Variants in NBPF19 observed in about 807,000 individuals in gnomAD.
NBPF19 encodes the protein NBPF family member NBPF19.
Under a neutral mutation model 45.9 loss-of-function variants are expected in NBPF19, and 30 were observed. The ratio of observed to expected loss-of-function variants is 0.65; its 90% CI spans 0.49 to 0.89. The LOEUF is 0.89. NBPF19 is among the 40% of genes least tolerant of loss of function. NBPF19 has a pLI of 0.00. For synonymous variants in NBPF19, 183 were observed against 181.2 expected, an observed-to-expected ratio of 1.01 and a Z score of -0.08; for missense variants, 495 against 471.8, an observed-to-expected ratio of 1.05 and a Z score of -0.46.
chr1:149,487,775 CTGTG>C (rs1219803937), intron 9 of NBPF19, among the ~76,000 whole-genome samples: 33,734 of 128,446 alleles, frequency 0.26, 3,556 homozygotes, highest in Middle Eastern at 0.34. Flanking sequence ...TGAGCTCGCT[CTGTG>C]TGTGTGTGTG....
At position 149,487,775 on chromosome 1, in the gene NBPF19, CTGTGTGTGTGTG is replaced by C. The variant is rs1219803937; in HGVS notation, c.1041-200_1041-189del. Among the ~76,000 whole-genome samples the C allele has an allele frequency of 2.6e-3, 336 of 128,756 alleles. 2 individuals are homozygous for C. Among genetic ancestry groups the C allele is most frequent in the Middle Eastern group, 8.1e-3 (2 of 248 alleles). 84.5% of individuals were successfully genotyped at this position (128,756 alleles called of 152,430 possible). On this transcript the variant is annotated intron_variant, in intron 9 of 93. Transcript: ENST00000651566. Reference sequence around the variant, plus strand: ...ACCTGACCAATTGACTGAGCTCGCTCTGTGTGTGTGTGTGTGTGTGTGTGTGTGTGTGTGTGT... The same window carrying C: ...ACCTGACCAATTGACTGAGCTCGCTCTGTGTGTGTGTGTGTGTGTGTGTGT...
intron 7 of NBPF19, among the ~76,000 whole-genome samples, chr1:149,484,505 T>C (rs1247254908): frequency 6.9e-6 from 1 of 145,532 alleles, no homozygotes; most frequent in Admixed American, 7.0e-5. Context: ...AAAAAAAATA[T>C]ATATATATAT....
intron 4 of NBPF19, among the ~76,000 whole-genome samples, chr1:149,479,595 T>A (rs2085050722): frequency 6.8e-6 from 1 of 147,704 alleles, no homozygotes; most frequent in African/African-American, 2.5e-5. Context: ...GAAGCCCCTC[T>A]CCATGTGGTG....
chr1:149,475,393 ATGT>A lies in NBPF19; in HGVS notation c.-434_-432del, dbSNP rs1162595723. 0.036 allele frequency among the ~76,000 whole-genome samples: 5,430 copies of A among 149,810 alleles called. 264 individuals carry two copies. Among genetic ancestry groups the A allele is most frequent in the Middle Eastern group, 0.057 (16 of 282 alleles). On this transcript the variant is annotated 5_prime_UTR_variant, in exon 1 of 94. Coordinates refer to ENST00000651566, the MANE Select transcript of NBPF19 (RefSeq NM_001351365.2). ...TTGGGAAACTGTTTCTGCCTTGATG[ATGT>A]TGTACAGACAAGAGATAAACAGTGA... is the stretch of plus-strand genomic sequence containing the variant.
chr1:149,554,578 A>T lies in NBPF19; in HGVS notation c.11372A>T (p.Tyr3791Phe). Residue 3791 changes from tyrosine (Y) to phenylalanine (F), a missense_variant, in exon 94 of 94, where the codon TAC (tyrosine) becomes TTC (phenylalanine). Physicochemically the swap from Tyr to Phe is conservative, Grantham distance 22. Coordinates refer to ENST00000651566, the MANE Select transcript of NBPF19 (RefSeq NM_001351365.2). ...LDGCYSTPSM[Y>F]FELPDSFQHY... ...GGATGTTATTCGACTCCGTCAATGT[A>T]CTTTGAACTACCTGACTCATTCCAG... is the stretch of plus-strand genomic sequence containing the variant. The T allele has an allele frequency of 2.5e-6, 4 of 1,608,206 alleles. No individual in the cohort carries two copies. Among genetic ancestry groups the T allele is most frequent in the South Asian group, 1.1e-5 (1 of 90,884 alleles).
intron 9 of NBPF19, 68 bp downstream of exon 9, chr1:149,487,451 C>A (rs1280878637): frequency 3.2e-6 from 3 of 931,464 alleles, no homozygotes; most frequent in Admixed American, 1.7e-5. Flanking sequence ...CCAGGGAAAA[C>A]AGTACATGCT....
intron 45 of NBPF19, among the ~76,000 whole-genome samples, chr1:149,516,351 GTCTCTC>G: frequency 8.4e-6 from 1 of 119,036 alleles, no homozygotes; most frequent in East Asian, 2.6e-4. Context: ...CTCTGTCTCT[GTCTCTC>G]TCTCTCTCTC....
chr1:149,554,179 G>C (rs1474096831), intron 93 of NBPF19, among the ~76,000 whole-genome samples: 1 of 148,190 alleles, frequency 6.7e-6, no homozygotes, highest in African/African-American at 2.5e-5. Flanking sequence ...CATGATCACA[G>C]TTTGCTGTGT....
chr1:149,556,292 T>C lies in NBPF19; in HGVS notation c.*1554T>C, dbSNP rs1228798316. ...TTGGATTGTTTTTTACATTCAGTGT[T>C]ATAATATTTGATTATGCTGATTGGT... On this transcript the variant is annotated 3_prime_UTR_variant, in exon 94 of 94. Coordinates refer to ENST00000651566, the MANE Select transcript of NBPF19 (RefSeq NM_001351365.2). 5 of 149,424 alleles carry C rather than the reference T, an allele frequency of 3.3e-5. No homozygotes were observed. In the South Asian group the frequency reaches 6.4e-4, roughly 19 times the overall value. 9.3% of individuals were successfully genotyped at this position (149,424 alleles called of 1,614,324 possible). A position where few individuals can be genotyped will look rare whatever the true frequency, so the allele number is the denominator to read the frequency against.
At chr1:149,480,440 C>T (rs2085110404) in intron 5 of NBPF19, among the ~76,000 whole-genome samples, 1 of 146,116 alleles carries the variant, frequency 6.8e-6, no homozygotes, top group Non-Finnish European at 1.5e-5. Flanking sequence ...CTTCATCCTC[C>T]TCAGCTCCTA....
intron 51 of NBPF19, 146 bp from the exon 52 acceptor site, chr1:149,521,173 C>G (rs2086727183): frequency 2.9e-6 from 1 of 344,188 alleles, no homozygotes; most frequent in African/African-American, 4.1e-5. Context: ...TCTATCCCAA[C>G]ATAAAGGCAA....
intron 7 of NBPF19, 27 bp from the exon 8 acceptor site, chr1:149,486,103 T>C (rs2085488325): frequency 5.6e-6 from 2 of 357,256 alleles, no homozygotes; most frequent in Non-Finnish European, 9.6e-6. Context: ...AAATCTTCTA[T>C]CATCCCTGTC....
chr1:149,554,461 C>T (rs1412443118), intron 93 of NBPF19, 34 bp from the exon 94 acceptor site: 13 of 1,607,900 alleles, frequency 8.1e-6, no homozygotes, highest in African/African-American at 5.4e-5. Context: ...CTGATTTTCC[C>T]TGGCTGCTTC....
At chr1:149,484,584 C>A (rs2085403271) in intron 7 of NBPF19, among the ~76,000 whole-genome samples, 1 of 144,232 alleles carries the variant, frequency 6.9e-6, no homozygotes, top group African/African-American at 2.6e-5. Context: ...GAATATTGCT[C>A]CCACTCTCTT....
In NBPF19 at chr1:149,487,337, C is replaced by G. The variant is rs1362557430; in HGVS notation, c.994C>G (p.Arg332Gly). 3 of 1,564,824 alleles carry G rather than the reference C, an allele frequency of 1.9e-6. No homozygotes were observed. The highest frequency in any genetic ancestry group is 1.1e-5 in the South Asian group (1 of 90,400). ...VCMAVDIGRH[R>G]WDQVKKEDQE... ...CCATCTGAATTTATTTGCAGGACATCGCTGGGATCAAGTGAAAAAGGAGGA... is the reference window on the plus strand; with the variant it reads ...CCATCTGAATTTATTTGCAGGACATGGCTGGGATCAAGTGAAAAAGGAGGA... Residue 332 changes from arginine (R) to glycine (G), a missense_variant, in exon 9 of 94, where the codon CGC becomes GGC. Transcript: ENST00000651566.
At chr1:149,480,444 GCTC>G (rs2085110955) in intron 5 of NBPF19, among the ~76,000 whole-genome samples, 1 of 145,662 alleles carries the variant, frequency 6.9e-6, no homozygotes. Context: ...ATCCTCCTCA[GCTC>G]CTATCTGTCC....
At chr1:149,478,375 C>A (rs1270962713) in intron 3 of NBPF19, among the ~76,000 whole-genome samples, 2 of 151,278 alleles carry the variant, frequency 1.3e-5, no homozygotes, top group African/African-American at 4.9e-5. Context: ...CCCCACTTAC[C>A]CTTAGTGAGA....
intron 9 of NBPF19, among the ~76,000 whole-genome samples, chr1:149,487,750 A>C (rs1435315430): frequency 7.0e-6 from 1 of 143,840 alleles, no homozygotes; most frequent in East Asian, 2.1e-4. Flanking sequence ...TCAGTGTGTC[A>C]CCTGACCAAT....
Position 149,487,415 on chromosome 1 carries a change from G to C in NBPF19, c.1040+32G>C, listed in dbSNP as rs1276638646. ...CTGAGAAATTGTGGACAGTTAATTTGATGTTGACACCTGGAGATGCCAAGT... is the reference window on the plus strand; with the variant it reads ...CTGAGAAATTGTGGACAGTTAATTTCATGTTGACACCTGGAGATGCCAAGT... On this transcript the variant is annotated intron_variant, in intron 9 of 93. Coordinates refer to ENST00000651566, the MANE Select transcript of NBPF19 (RefSeq NM_001351365.2). 1.2e-5 allele frequency: 14 copies of C among 1,163,564 alleles called. 1 individual carries two copies. In the African/African-American group the frequency reaches 1.4e-4, roughly 11 times the overall value. The allele number at this position is 1,163,564 out of a possible 1,614,324, so 72.1% of individuals were successfully genotyped here.
Sources: gnomAD v4.1 joint callset for allele counts (sites outside exome capture counted in the v4.1 genomes callset) on GRCh38, gnomAD v4.1.1 for gene constraint, MANE v1.5 for transcripts, NCBI Gene and HGNC (gene_info 2026-07-23, HGNC 2026-07-21) for gene names.